The following KIAA2012 variants were observed in gnomAD, a reference collection of about 807,000 sequenced individuals.
KIAA2012 encodes the protein KIAA2012.
In KIAA2012, 125 loss-of-function variants were observed where a neutral mutation model predicts 150.6. The ratio of observed to expected loss-of-function variants is 0.83; its 90% CI spans 0.72 to 0.96. The LOEUF (loss-of-function observed/expected upper bound fraction) is 0.96. Among genes scored for constraint, KIAA2012 ranks in the 40% least tolerant of loss-of-function variants. The pLI is 0.00. For synonymous variants in KIAA2012, 462 were observed against 504.7 expected, an observed-to-expected ratio of 0.92 and a Z score of 1.13; for missense variants, 1,219 against 1,354.9, an observed-to-expected ratio of 0.90 and a Z score of 1.57.
At chr2:202,171,372 C>T (rs1298911694) in intron 15 of KIAA2012, among the ~76,000 whole-genome samples, 1 of 152,116 alleles carries the variant, frequency 6.6e-6, no homozygotes, top group Non-Finnish European at 1.5e-5. Flanking sequence ...GCAGCAGGCG[C>T]GCTGGGAGCA....
chr2:202,191,131 G>A (rs1291730375), intron 19 of KIAA2012, among the ~76,000 whole-genome samples: 1 of 152,098 alleles, frequency 6.6e-6, no homozygotes, highest in Non-Finnish European at 1.5e-5. Context: ...ACAAAAATTA[G>A]CCAGGCACAG....
chr2:202,162,553 G>A (rs1362798755), intron 14 of KIAA2012, among the ~76,000 whole-genome samples: 2 of 149,960 alleles, frequency 1.3e-5, no homozygotes, highest in Admixed American at 6.6e-5. Context: ...GGGATTATAG[G>A]TGTGAGCCAC....
At chr2:202,079,714 T>TTTG (rs1011113247) in intron 2 of KIAA2012, among the ~76,000 whole-genome samples, 1 of 152,240 alleles carries the variant, frequency 6.6e-6, no homozygotes, top group Non-Finnish European at 1.5e-5. Context: ...TGGTTGGTTT[T>TTTG]TTGTTGTTGT....
Position 202,194,299 on chromosome 2 carries a change from G to A in KIAA2012, c.3124G>A (p.Glu1042Lys). 1.9e-6 allele frequency: 3 copies of A among 1,550,584 alleles called. No individual in the cohort carries two copies. The highest frequency in any genetic ancestry group is 2.6e-6 in the Non-Finnish European group (3 of 1,147,006). ...GGAGAGAGCCCGGCAACAGCAAGAG[G>A]AGTTTCGGAGGAAACTGCGAGAACT... ...AQERARQQQEEFRRKLRELQR... is the reference protein window; with the variant it reads ...AQERARQQQEKFRRKLRELQR... The change falls in exon 21 of 24, where the codon GAG becomes AAG. Residue 1042 changes from glutamate (E) to lysine (K), a missense_variant. Glu to Lys is a moderately conservative substitution (Grantham distance 56). Coordinates refer to ENST00000498697, the MANE Select transcript of KIAA2012 (RefSeq NM_001277372.4).
chr2:202,090,123 T>C (rs1209359872), intron 2 of KIAA2012, among the ~76,000 whole-genome samples: 1 of 152,256 alleles, frequency 6.6e-6, no homozygotes, highest in Non-Finnish European at 1.5e-5. Flanking sequence ...TAAGTGGTTG[T>C]AGTAACTCAG....
At chr2:202,118,792 T>C (rs1241113816) in intron 11 of KIAA2012, among the ~76,000 whole-genome samples, 1 of 152,182 alleles carries the variant, frequency 6.6e-6, no homozygotes, top group Non-Finnish European at 1.5e-5. Context: ...CTCACTGTAG[T>C]GAGACCAGTA....
At position 202,133,130 on chromosome 2, in the gene KIAA2012, A is replaced by ATATTT. The variant is rs1279080237; in HGVS notation, c.1832-5301_1832-5300insATTTT. On this transcript the variant is annotated intron_variant, in intron 12 of 23. Coordinates refer to ENST00000498697, the MANE Select transcript of KIAA2012 (RefSeq NM_001277372.4). ...AAAAAATATATATATATATATATAT[A>ATATTT]TTTTTTTTTTTTCTGGAGAATGGAG... Among the ~76,000 whole-genome samples, 10 of 67,794 alleles carry ATATTT rather than the reference A, an allele frequency of 1.5e-4. 1 individual carries two copies. Among genetic ancestry groups the ATATTT allele is most frequent in the African/African-American group, 5.2e-4 (9 of 17,216 alleles). The allele number at this position is 67,794 out of a possible 152,430, so 44.5% of individuals were successfully genotyped here.
intron 15 of KIAA2012, among the ~76,000 whole-genome samples, chr2:202,178,142 T>G (rs2105734995): frequency 6.6e-6 from 1 of 152,154 alleles, no homozygotes; most frequent in South Asian, 2.1e-4. Flanking sequence ...GAGGTTGCAG[T>G]GAGCTGAGAT....
At chr2:202,154,638 A>T (rs1206869854) in intron 13 of KIAA2012, 35 bp from the exon 14 acceptor site, 10 of 1,513,166 alleles carry the variant, frequency 6.6e-6, no homozygotes, top group Non-Finnish European at 8.8e-6. Context: ...TATATCATTC[A>T]TATGAAAGTT....
rs1003835894 is a variant in KIAA2012 at position 202,100,390 on chromosome 2, C to G, written c.1096C>G (p.Pro366Ala). ...VLPAERSLFP[P>A]VASATGSRII... ...TCCTGCTGAAAGAAGCCTCTTCCCT[C>G]CTGTAGCATCTGCCACTGGCTCCAG... The change falls in exon 7 of 24, where the codon CCT (proline) becomes GCT (alanine). Residue 366 changes from proline to alanine, a missense_variant. Physicochemically the swap from Pro to Ala is conservative, Grantham distance 27. Transcript: ENST00000498697. 1.9e-6 allele frequency: 3 copies of G among 1,550,468 alleles called. No homozygotes were observed. The African/African-American group carries it at 4.1e-5, about 21-fold the overall frequency.
chr2:202,192,570 G>A (rs1399426137), intron 19 of KIAA2012, among the ~76,000 whole-genome samples: 1 of 149,832 alleles, frequency 6.7e-6, no homozygotes, highest in African/African-American at 2.5e-5. Context: ...CAATTCTCCT[G>A]CCTCAGCCTC....
intron 13 of KIAA2012, among the ~76,000 whole-genome samples, chr2:202,142,596 G>A (rs577873116): frequency 4.6e-5 from 7 of 152,326 alleles, no homozygotes; most frequent in African/African-American, 1.7e-4. Flanking sequence ...TGGTTCACAA[G>A]TAGGAAGGGG....
At chr2:202,079,516 T>C (rs1689396391) in intron 2 of KIAA2012, among the ~76,000 whole-genome samples, 1 of 152,090 alleles carries the variant, frequency 6.6e-6, no homozygotes, top group Non-Finnish European at 1.5e-5. Context: ...TTAAAGCATC[T>C]CACAACACCT....
chr2:202,138,646 A>G, intron 13 of KIAA2012, 138 bp downstream of exon 13: 1 of 602,376 alleles, frequency 1.7e-6, no homozygotes, highest in Non-Finnish European at 2.9e-6. Flanking sequence ...TGAGACAAGT[A>G]GACTATGAAA....
At position 202,151,738 on chromosome 2, in the gene KIAA2012, T is replaced by C. The variant is rs927267602; in HGVS notation, c.1909-2935T>C. 9.8e-5 allele frequency among the ~76,000 whole-genome samples: 15 copies of C among 152,286 alleles called. No individual in the cohort carries two copies. In the South Asian group the frequency reaches 3.1e-3, roughly 32 times the overall value. On this transcript the variant is annotated intron_variant, in intron 13 of 23. Coordinates refer to ENST00000498697, the MANE Select transcript of KIAA2012 (RefSeq NM_001277372.4). ...CCAACCAAGCACGTGACTTTCATTT[T>C]TATTTTTGTATTTGTTATTACTTTT...
intron 2 of KIAA2012, among the ~76,000 whole-genome samples, chr2:202,083,294 G>A (rs1575000943): frequency 6.6e-6 from 1 of 152,356 alleles, no homozygotes; most frequent in East Asian, 1.9e-4. Context: ...AGCAGTGTTT[G>A]CATGAGGCTG....
At chr2:202,094,979 A>G (rs954038219) in intron 4 of KIAA2012, among the ~76,000 whole-genome samples, 19 of 152,238 alleles carry the variant, frequency 1.2e-4, no homozygotes, top group African/African-American at 4.6e-4. Context: ...ACCGATTCCA[A>G]GCCATATAGC....
chr2:202,119,698 T>C (rs966991368), intron 11 of KIAA2012, among the ~76,000 whole-genome samples: 3 of 152,108 alleles, frequency 2.0e-5, no homozygotes, highest in Non-Finnish European at 2.9e-5. Flanking sequence ...ACTAGAGCTA[T>C]GTGACAATTA....
In KIAA2012 at chr2:202,105,167, GAAGGAA is replaced by G. The variant is rs1220554050; in HGVS notation, c.1325-586_1325-581del. 2.0e-5 allele frequency among the ~76,000 whole-genome samples: 3 copies of G among 150,806 alleles called. No homozygotes were observed. The East Asian group carries it at 5.9e-4, about 30-fold the overall frequency. On this transcript the variant is annotated intron_variant, in intron 8 of 23. Transcript: ENST00000498697. ...GAAAGATGGAAGGAAGGGAGACACA[GAAGGAA>G]AAGGAAAGAAGGAAGGAAGGGAAGA... is the stretch of plus-strand genomic sequence containing the variant.
Sources: allele counts gnomAD v4.1 joint callset (sites outside exome capture counted in the v4.1 genomes callset), GRCh38; gene constraint gnomAD v4.1.1; transcripts MANE v1.5; gene names NCBI Gene and HGNC (gene_info 2026-07-23, HGNC 2026-07-21).